CEP41: variants seen among roughly 807,000 people sequenced by gnomAD.
CEP41 encodes centrosomal protein 41.
A neutral mutation model predicts 44.3 loss-of-function variants in CEP41; 32 were observed. The observed-to-expected ratio is 0.72, with a 90% confidence interval of 0.54 to 0.97. The LOEUF is 0.97. Among genes scored for constraint, CEP41 ranks in the 50% least tolerant of loss-of-function variants. CEP41 has a pLI of 0.00. For synonymous variants in CEP41, 151 were observed against 168.5 expected (o/e 0.90, Z 0.80); for missense variants, 432 against 455.2 (o/e 0.95, Z 0.46).
intron 8 of CEP41, 94 bp from the exon 9 acceptor site, chr7:130,400,915 C>T: frequency 2.4e-6 from 2 of 824,444 alleles, no homozygotes; most frequent in Non-Finnish European, 4.1e-6. Context: ...GTCCACCTGT[C>T]TGAGTTCCCG....
chr7:130,394,189 A>T lies in CEP41; in HGVS notation c.*4702T>A. The T allele has an allele frequency of 6.6e-6, 3 of 454,046 alleles. No individual in the cohort carries two copies. Among genetic ancestry groups the T allele is most frequent in the Non-Finnish European group, 1.3e-5 (3 of 226,790 alleles). 28.1% of individuals were successfully genotyped at this position (454,046 alleles called of 1,614,324 possible). A position where few individuals can be genotyped will look rare whatever the true frequency, so the allele number is the denominator to read the frequency against. On this transcript the variant is annotated 3_prime_UTR_variant, in exon 11 of 11. Transcript: ENST00000223208. Reference sequence around the variant, plus strand: ...ACCCAGAGTGAGAAGCATAGAGCGGAGTGGCTGAAAGAACACCCTCTGGAG... The same window carrying T: ...ACCCAGAGTGAGAAGCATAGAGCGGTGTGGCTGAAAGAACACCCTCTGGAG...
chr7:130,428,597 G>GAA (rs1163753203), intron 1 of CEP41, among the ~76,000 whole-genome samples: 3 of 137,974 alleles, frequency 2.2e-5, no homozygotes, highest in Non-Finnish European at 4.7e-5. Flanking sequence ...TACCTGATAA[G>GAA]AAAAAAAAAA....
In CEP41 at chr7:130,415,668, G is replaced by A. The variant is rs371608976; in HGVS notation, c.145+1251C>T. 1.1e-4 allele frequency among the ~76,000 whole-genome samples: 17 copies of A among 152,298 alleles called. No homozygotes were observed. The South Asian group carries it at 1.9e-3, about 17-fold the overall frequency. On this transcript the variant is annotated intron_variant, in intron 3 of 10. Transcript: ENST00000223208. ...CATTTTTATGGGACAAATTTCTAGT[G>A]AGGACATGTGAACTCACACTCAGCT...
intron 3 of CEP41, among the ~76,000 whole-genome samples, chr7:130,416,653 T>TCCAC (rs1554420972): frequency 6.6e-6 from 1 of 152,224 alleles, no homozygotes; most frequent in African/African-American, 2.4e-5. Flanking sequence ...CAGAGCTCAT[T>TCCAC]CCACCAGATC....
intron 1 of CEP41, among the ~76,000 whole-genome samples, chr7:130,435,383 A>C (rs1554425944): frequency 6.6e-6 from 1 of 152,138 alleles, no homozygotes. Flanking sequence ...CCAACAACAC[A>C]AAAGGAAACA....
chr7:130,400,997 A>G, intron 8 of CEP41, 176 bp from the exon 9 acceptor site: 1 of 617,304 alleles, frequency 1.6e-6, no homozygotes, highest in Non-Finnish European at 2.9e-6. Context: ...TGGAAACCAC[A>G]CAAGCTGGTA....
chr7:130,413,590 C>CA (rs11383323), intron 3 of CEP41, among the ~76,000 whole-genome samples: 76,863 of 146,812 alleles, frequency 0.52, 20,033 homozygotes, highest in African/African-American at 0.58. Context: ...AAAAAAAAAA[C>CA]AAAAAAAAAA....
chr7:130,441,153 C>T (rs904594966), upstream of CEP41: 3 of 723,124 alleles, frequency 4.1e-6, no homozygotes, highest in Non-Finnish European at 7.4e-6. Context: ...GGCAAGACGC[C>T]GCTCAATGGT....
At chr7:130,413,414 C>T (rs1448507102) in intron 3 of CEP41, among the ~76,000 whole-genome samples, 8 of 151,986 alleles carry the variant, frequency 5.3e-5, no homozygotes, top group Non-Finnish European at 7.4e-5. Flanking sequence ...ATACAAATCC[C>T]AACTAATAAT....
At chr7:130,420,786 T>C (rs1358472893) in intron 2 of CEP41, 1 of 587,472 alleles carries the variant, frequency 1.7e-6, no homozygotes, top group East Asian at 1.4e-4. Flanking sequence ...AATAAATAAA[T>C]AAATAAATAG....
chr7:130,424,498 T>C (rs1192233013), intron 2 of CEP41, among the ~76,000 whole-genome samples: 1 of 152,058 alleles, frequency 6.6e-6, no homozygotes, highest in Non-Finnish European at 1.5e-5. Context: ...ATTAGGATAT[T>C]GGCAGAAGGC....
In CEP41 at chr7:130,402,718, A is replaced by G. The variant is rs781853256; in HGVS notation, c.504T>C (p.Tyr168=). 6.2e-7 allele frequency: 1 copy of G among 1,614,146 alleles called. No homozygotes were observed. The highest frequency in any genetic ancestry group is 1.7e-5 in the Admixed American group (1 of 60,024). The change falls in exon 7 of 11, where the codon TAT becomes TAC. Residue 168 remains tyrosine, a synonymous_variant. Coordinates refer to ENST00000223208, the MANE Select transcript of CEP41 (RefSeq NM_018718.3). ...KAEPHTKDKP[Y]PDCPFLLLDV... is the part of the protein sequence containing the mutation. ...CTAGCAGCAGGAAGGGGCAGTCAGG[A>G]TAAGGTTTGTCTTTGGTATGGGGCT...
intron 1 of CEP41, among the ~76,000 whole-genome samples, chr7:130,435,476 T>A (rs992613931): frequency 6.6e-6 from 1 of 152,204 alleles, no homozygotes; most frequent in African/African-American, 2.4e-5. Context: ...GGATGACAGA[T>A]AAGCACATGA....
At position 130,402,808 on chromosome 7, in the gene CEP41, G is replaced by A; in HGVS notation, c.423-9C>T. 2 of 1,614,088 alleles carry A rather than the reference G, an allele frequency of 1.2e-6. No homozygotes were observed. The highest frequency in any genetic ancestry group is 1.1e-5 in the South Asian group (1 of 91,066). On this transcript the variant is annotated splice_polypyrimidine_tract_variant and intron_variant, in intron 6 of 10. Transcript: ENST00000223208. ...CAACACCACTGATGACACTGCAAGTGAAAAAGTAGGTCAGCAGAAACTAGT... is the reference window on the plus strand; with the variant it reads ...CAACACCACTGATGACACTGCAAGTAAAAAAGTAGGTCAGCAGAAACTAGT...
In CEP41 at chr7:130,394,384, A is replaced by G. The variant is rs1442606348; in HGVS notation, c.*4507T>C. 6.6e-6 allele frequency: 3 copies of G among 454,000 alleles called. No homozygotes were observed. The highest frequency in any genetic ancestry group is 6.0e-5 in the African/African-American group (3 of 49,998). 28.1% of individuals were successfully genotyped at this position (454,000 alleles called of 1,614,324 possible). The stretch of plus-strand genomic sequence containing the variant: ...AATGGGTCAAAACATATAATGAAGA[A>G]TCTAGGAGCAAAGTAAGCTCTCCAC... On this transcript the variant is annotated 3_prime_UTR_variant, in exon 11 of 11. Coordinates refer to ENST00000223208, the MANE Select transcript of CEP41 (RefSeq NM_018718.3).
chr7:130,398,579 A>AG lies in CEP41; in HGVS notation c.*311_*312insC, dbSNP rs1796742122. ...ACAAGCTGGACCTTATTAAAAAAAA[A>AG]CAAAACAAAAAAACTAAAAACGTAG... On this transcript the variant is annotated 3_prime_UTR_variant, in exon 11 of 11. Coordinates refer to ENST00000223208, the MANE Select transcript of CEP41 (RefSeq NM_018718.3). The AG allele has an allele frequency of 1.9e-6, 1 of 519,074 alleles. No homozygotes were observed. Among genetic ancestry groups the AG allele is most frequent in the African/African-American group, 1.9e-5 (1 of 52,418 alleles). The allele number at this position is 519,074 out of a possible 1,614,324, so 32.2% of individuals were successfully genotyped here.
chr7:130,394,503 T>C lies in CEP41; in HGVS notation c.*4388A>G. 2.2e-6 allele frequency: 1 copy of C among 454,110 alleles called. No individual in the cohort carries two copies. The highest frequency in any genetic ancestry group is 4.4e-6 in the Non-Finnish European group (1 of 226,786). The allele number at this position is 454,110 out of a possible 1,614,324, so 28.1% of individuals were successfully genotyped here. ...TAAGATGGGGGTGGTGTGTGACCTT[T>C]GCGTGCTGAATTTGGGAGGATACTT... is the stretch of plus-strand genomic sequence containing the variant. On this transcript the variant is annotated 3_prime_UTR_variant, in exon 11 of 11. Coordinates refer to ENST00000223208, the MANE Select transcript of CEP41 (RefSeq NM_018718.3).
intron 1 of CEP41, among the ~76,000 whole-genome samples, chr7:130,431,714 A>T (rs1797825937): frequency 6.6e-6 from 1 of 152,102 alleles, no homozygotes; most frequent in Non-Finnish European, 1.5e-5. Context: ...TGGAGACTAG[A>T]GGGAGTACCA....
rs782387467 is a variant in CEP41 at position 130,399,036 on chromosome 7, C to A, written c.977G>T (p.Arg326Leu). ...EEQGPADHPS[R>L]LNQANSSGRE... ...TCCGGAGGAGTTAGCTTGGTTCAGT[C>A]GGCCTGAAGGGAGCAAGAAAGAAGG... The change falls in exon 11 of 11, where the codon CGA (arginine) becomes CTA (leucine). Residue 326 changes from arginine (R) to leucine (L), a missense_variant. Physicochemically the swap from Arg to Leu is moderately radical, Grantham distance 102. Coordinates refer to ENST00000223208, the MANE Select transcript of CEP41 (RefSeq NM_018718.3). 2.4e-5 allele frequency: 38 copies of A among 1,613,830 alleles called. No individual in the cohort carries two copies. The highest frequency in any genetic ancestry group is 3.1e-5 in the Non-Finnish European group (36 of 1,180,038).
Sources: gnomAD v4.1 joint callset for allele counts (sites outside exome capture counted in the v4.1 genomes callset) on GRCh38, gnomAD v4.1.1 for gene constraint, MANE v1.5 for transcripts, NCBI Gene and HGNC (gene_info 2026-07-23, HGNC 2026-07-21) for gene names.